The following MERTK variants were observed in gnomAD, a reference collection of about 807,000 sequenced individuals.
The protein encoded by MERTK is MER proto-oncogene, tyrosine kinase, also known as tyrosine-protein kinase Mer.
Under a neutral mutation model 99.3 loss-of-function variants are expected in MERTK, and 69 were observed. The ratio of observed to expected loss-of-function variants is 0.70; its 90% CI spans 0.57 to 0.85. The LOEUF is 0.85. Among genes scored for constraint, MERTK ranks in the 40% least tolerant of loss-of-function variants. The pLI, the probability that MERTK is intolerant of heterozygous loss-of-function variation, is 0.00. For synonymous variants in MERTK, 426 were observed against 467.6 expected, an observed-to-expected ratio of 0.91 and a Z score of 1.15; for missense variants, 1,125 against 1,249.4, an observed-to-expected ratio of 0.90 and a Z score of 1.50.
At chr2:111,929,753 ATTTTTTTT>A (rs72180817) in intron 2 of MERTK, among the ~76,000 whole-genome samples, 3 of 143,226 alleles carry the variant, frequency 2.1e-5, no homozygotes, top group East Asian at 2.1e-4. Flanking sequence ...CACCCAGCTA[ATTTTTTTT>A]TTTTTTTTTT....
At chr2:112,021,961 C>G (rs1677359411) in intron 17 of MERTK, among the ~76,000 whole-genome samples, 1 of 151,790 alleles carries the variant, frequency 6.6e-6, no homozygotes, top group African/African-American at 2.4e-5. Context: ...CGCCCTTGAC[C>G]CGAGATAAGG....
intron 1 of MERTK, among the ~76,000 whole-genome samples, chr2:111,927,072 C>T (rs1347902090): frequency 6.6e-6 from 1 of 152,160 alleles, no homozygotes; most frequent in Non-Finnish European, 1.5e-5. Context: ...TCCCCTAAAG[C>T]ACACAGAAGG....
chr2:111,975,337 A>T lies in MERTK; in HGVS notation c.1009A>T (p.Thr337Ser), dbSNP rs1373357563. The change falls in exon 7 of 19, where the codon ACC becomes TCC. Residue 337 changes from threonine to serine, a missense_variant. Transcript: ENST00000295408. Reference protein sequence around the residue: ...LSNGSVMIFNTSALPHLYQIK... With the variant: ...LSNGSVMIFNSSALPHLYQIK... ...TAATGGCTCAGTCATGATTTTTAAC[A>T]CCTCTGCCTTACCACATCTGTACCA... The T allele has an allele frequency of 1.2e-6, 2 of 1,614,096 alleles. No individual in the cohort carries two copies. Among genetic ancestry groups the T allele is most frequent in the Admixed American group, 3.3e-5 (2 of 60,018 alleles).
chr2:111,980,262 G>C (rs1319490731), intron 7 of MERTK, among the ~76,000 whole-genome samples: 1 of 151,992 alleles, frequency 6.6e-6, no homozygotes, highest in African/African-American at 2.4e-5. Context: ...TTTCAGCCTG[G>C]CTCCTTATCA....
chr2:111,924,901 T>TG (rs1436794430), intron 1 of MERTK, among the ~76,000 whole-genome samples: 5 of 152,144 alleles, frequency 3.3e-5, no homozygotes, highest in Admixed American at 6.6e-5. Flanking sequence ...GAGCACCTCC[T>TG]ACATACTGGC....
intron 8 of MERTK, among the ~76,000 whole-genome samples, chr2:111,991,191 C>T (rs1406713800): frequency 1.3e-5 from 2 of 152,168 alleles, no homozygotes; most frequent in African/African-American, 4.8e-5. Flanking sequence ...GACCAACTAA[C>T]TCATAATCAA....
intron 1 of MERTK, among the ~76,000 whole-genome samples, chr2:111,921,519 C>G (rs114434747): frequency 6.7e-6 from 1 of 148,926 alleles, no homozygotes; most frequent in African/African-American, 2.5e-5. Flanking sequence ...AAAAAAAAAG[C>G]CTTTCTCTAA....
Position 112,028,436 on chromosome 2 carries a change from TTAGAAAG to T in MERTK, c.2574_2580del (p.Leu858PhefsTer36). On this transcript the variant is annotated frameshift_variant, in exon 19 of 19. Coordinates refer to ENST00000295408, the MANE Select transcript of MERTK (RefSeq NM_006343.3). LOFTEE classifies it low-confidence loss of function (END_TRUNC). ...ATTGAGGCTGCAGCTAGAAAAACTC[TTAGAAAG>T]TTTGCCTGACGTTCGGAACCAAGCA... is the stretch of plus-strand genomic sequence containing the variant. 1.2e-6 allele frequency: 2 copies of T among 1,614,176 alleles called. No homozygotes were observed. Among genetic ancestry groups the T allele is most frequent in the Non-Finnish European group, 1.7e-6 (2 of 1,180,030 alleles).
At chr2:111,957,110 A>G (rs1434125433) in intron 4 of MERTK, among the ~76,000 whole-genome samples, 2 of 151,620 alleles carry the variant, frequency 1.3e-5, no homozygotes, top group Non-Finnish European at 2.9e-5. Flanking sequence ...TGTATTTTTA[A>G]TAGAGGTGGG....
At chr2:111,988,528 G>C (rs552223551) in intron 8 of MERTK, among the ~76,000 whole-genome samples, 1 of 152,296 alleles carries the variant, frequency 6.6e-6, no homozygotes, top group African/African-American at 2.4e-5. Context: ...TTTATTTACA[G>C]GGAAAGAAGA....
Position 112,029,098 on chromosome 2 carries a change from A to G in MERTK, c.*234A>G. On this transcript the variant is annotated 3_prime_UTR_variant, in exon 19 of 19. Transcript: ENST00000295408. Reference sequence around the variant, plus strand: ...AAAGACAAGGATATTTTAATAAAACATTACTTATTTCATTTCACTTATCTT... The same window carrying G: ...AAAGACAAGGATATTTTAATAAAACGTTACTTATTTCATTTCACTTATCTT... 8.2e-7 allele frequency: 1 copy of G among 1,224,614 alleles called. No individual in the cohort carries two copies. The highest frequency in any genetic ancestry group is 1.0e-6 in the Non-Finnish European group (1 of 974,578). The allele number at this position is 1,224,614 out of a possible 1,614,324, so 75.9% of individuals were successfully genotyped here. A position where few individuals can be genotyped will look rare whatever the true frequency, so the allele number is the denominator to read the frequency against.
chr2:111,960,581 A>G (rs1190006072), intron 4 of MERTK, among the ~76,000 whole-genome samples: 1 of 152,052 alleles, frequency 6.6e-6, no homozygotes, highest in Non-Finnish European at 1.5e-5. Context: ...AATCACTTAC[A>G]TTGTTTTGAT....
intron 2 of MERTK, among the ~76,000 whole-genome samples, chr2:111,931,426 A>G (rs1447019214): frequency 6.6e-6 from 1 of 152,184 alleles, no homozygotes; most frequent in Non-Finnish European, 1.5e-5. Context: ...GATAAGTAAA[A>G]CTATCATTTA....
intron 1 of MERTK, among the ~76,000 whole-genome samples, chr2:111,912,583 A>G (rs1256159503): frequency 1.3e-5 from 2 of 152,114 alleles, no homozygotes; most frequent in Non-Finnish European, 2.9e-5. Context: ...CAGCCCCATT[A>G]TATGTTGCCA....
Position 111,925,292 on chromosome 2 carries a change from A to ATTTTTTT in MERTK, c.62-3808_62-3802dup, listed in dbSNP as rs11433691. On this transcript the variant is annotated intron_variant, in intron 1 of 18. Transcript: ENST00000295408. Reference sequence around the variant, plus strand: ...ACAGATCAGATATATATATATATATATTTTTTTTTTTTTTTTTTTTTTTTT... The same window carrying ATTTTTTT: ...ACAGATCAGATATATATATATATATATTTTTTTTTTTTTTTTTTTTTTTTTTTTTTTT... Among the ~76,000 whole-genome samples, 48 of 24,498 alleles carry ATTTTTTT rather than the reference A, an allele frequency of 2.0e-3. 8 individuals are homozygous for ATTTTTTT. The highest frequency in any genetic ancestry group is 3.2e-3 in the East Asian group (2 of 622). The allele number at this position is 24,498 out of a possible 152,430, so 16.1% of individuals were successfully genotyped here.
intron 1 of MERTK, among the ~76,000 whole-genome samples, chr2:111,903,326 G>T (rs1282155651): frequency 1.3e-5 from 2 of 152,182 alleles, no homozygotes; most frequent in Admixed American, 6.5e-5. Context: ...CACATTCGGG[G>T]CTTGGTTAAT....
intron 18 of MERTK, 23 bp from the exon 19 acceptor site, chr2:112,028,328 A>G (rs535584972): frequency 3.5e-5 from 57 of 1,612,854 alleles, no homozygotes; most frequent in Middle Eastern, 1.7e-4. Context: ...CTGGGAGACA[A>G]TCCACTTCTT....
intron 2 of MERTK, among the ~76,000 whole-genome samples, chr2:111,934,984 T>C (rs967674612): frequency 6.6e-6 from 1 of 152,158 alleles, no homozygotes; most frequent in African/African-American, 2.4e-5. Context: ...CTTCCATTGC[T>C]CTTACACCCT....
At chr2:112,005,195 G>A (rs1179791010) in intron 13 of MERTK, among the ~76,000 whole-genome samples, 2 of 152,066 alleles carry the variant, frequency 1.3e-5, no homozygotes, top group African/African-American at 2.4e-5. Flanking sequence ...AGTCTCCTGA[G>A]TAGCTGGGAT....
Sources: gnomAD v4.1 joint callset for allele counts (sites outside exome capture counted in the v4.1 genomes callset) on GRCh38, gnomAD v4.1.1 for gene constraint, MANE v1.5 for transcripts, NCBI Gene and HGNC (gene_info 2026-07-23, HGNC 2026-07-21) for gene names.